The following TTLL11 variants were observed in gnomAD, a reference collection of about 807,000 sequenced individuals.
TTLL11 encodes the protein tubulin polyglutamylase TTLL11.
A neutral mutation model predicts 51.7 loss-of-function variants in TTLL11; 42 were observed. That is an observed-to-expected ratio of 0.81 (90% confidence interval 0.64 to 1.05). The LOEUF (loss-of-function observed/expected upper bound fraction) is 1.05. Ranked by LOEUF, TTLL11 falls within the 50% of genes least tolerant of loss-of-function variation. The probability of loss-of-function intolerance (pLI) is 0.00; values close to 1 mark genes in which losing one functional copy is unlikely to be tolerated. For synonymous variants in TTLL11, 381 were observed against 383.5 expected, an observed-to-expected ratio of 0.99 and a Z score of 0.08; for missense variants, 799 against 940.4, an observed-to-expected ratio of 0.85 and a Z score of 1.97.
chr9:121,930,807 G>A (rs1219338252), intron 6 of TTLL11, among the ~76,000 whole-genome samples: 2 of 152,256 alleles, frequency 1.3e-5, no homozygotes, highest in African/African-American at 4.8e-5. Context: ...GCAGTTGTGA[G>A]GATATGTGTT....
At chr9:121,952,635 C>T (rs1002421780) in intron 6 of TTLL11, among the ~76,000 whole-genome samples, 2 of 152,210 alleles carry the variant, frequency 1.3e-5, no homozygotes, top group African/African-American at 4.8e-5. Flanking sequence ...GCCCCCCACA[C>T]ACTCTGTTCC....
At chr9:121,926,091 T>C (rs1840720317) in intron 6 of TTLL11, among the ~76,000 whole-genome samples, 1 of 152,182 alleles carries the variant, frequency 6.6e-6, no homozygotes, top group Non-Finnish European at 1.5e-5. Flanking sequence ...TTTTTAATCT[T>C]TGCAGGCAGA....
chr9:121,904,281 A>G (rs1839862042), intron 6 of TTLL11, among the ~76,000 whole-genome samples: 1 of 150,950 alleles, frequency 6.6e-6, no homozygotes, highest in Non-Finnish European at 1.5e-5. Flanking sequence ...GGTTCAAGCC[A>G]TTCTCCTGCC....
chr9:122,024,621 C>A (rs1298007821), intron 3 of TTLL11, among the ~76,000 whole-genome samples: 2 of 152,120 alleles, frequency 1.3e-5, no homozygotes, highest in Non-Finnish European at 2.9e-5. Flanking sequence ...CAGAAATATA[C>A]CTACACATAT....
At chr9:121,973,719 T>C (rs997975512) in intron 6 of TTLL11, among the ~76,000 whole-genome samples, 1 of 152,084 alleles carries the variant, frequency 6.6e-6, no homozygotes, top group Non-Finnish European at 1.5e-5. Flanking sequence ...GTTGTGCACA[T>C]GTACCCTAAA....
chr9:122,018,547 C>A (rs1200459837), intron 3 of TTLL11, among the ~76,000 whole-genome samples: 1 of 152,210 alleles, frequency 6.6e-6, no homozygotes, highest in Non-Finnish European at 1.5e-5. Context: ...CACAGACTCA[C>A]TGGATGCTCA....
At chr9:121,843,237 A>G (rs1417774745) in intron 8 of TTLL11, among the ~76,000 whole-genome samples, 1 of 152,164 alleles carries the variant, frequency 6.6e-6, no homozygotes, top group African/African-American at 2.4e-5. Flanking sequence ...AAGCTGAACA[A>G]ATTGAAAAAT....
At chr9:122,032,506 T>C (rs1041431134) in intron 2 of TTLL11, among the ~76,000 whole-genome samples, 1 of 152,208 alleles carries the variant, frequency 6.6e-6, no homozygotes, top group East Asian at 1.9e-4. Flanking sequence ...TCTCATTAAT[T>C]TGCCCAGAGG....
At chr9:121,994,858 T>C (rs1316405861) in intron 3 of TTLL11, among the ~76,000 whole-genome samples, 4 of 152,144 alleles carry the variant, frequency 2.6e-5, no homozygotes, top group African/African-American at 9.7e-5. Flanking sequence ...AAGTCCAAAC[T>C]GAGGCTGCAG....
intron 1 of TTLL11, among the ~76,000 whole-genome samples, chr9:122,057,075 G>A (rs1845307120): frequency 6.6e-6 from 1 of 152,142 alleles, no homozygotes; most frequent in East Asian, 1.9e-4. Context: ...GGGAAGGGAA[G>A]GAGACTCCTT....
chr9:121,899,378 CATAT>C (rs747040027), intron 6 of TTLL11, among the ~76,000 whole-genome samples: 1,318 of 130,406 alleles, frequency 0.01, 24 homozygotes, highest in African/African-American at 0.016. Context: ...TATATATATA[CATAT>C]ATATATATAT....
chr9:122,045,413 C>T (rs1206175924), intron 1 of TTLL11, among the ~76,000 whole-genome samples: 3 of 152,106 alleles, frequency 2.0e-5, no homozygotes, highest in Non-Finnish European at 2.9e-5. Flanking sequence ...ATTAGCCGGG[C>T]GTCGTGGCGC....
chr9:121,895,495 T>G (rs1301463071), intron 6 of TTLL11, among the ~76,000 whole-genome samples: 1 of 151,470 alleles, frequency 6.6e-6, no homozygotes, highest in Non-Finnish European at 1.5e-5. Flanking sequence ...GTGTGTGTGG[T>G]TGTGTGTAGT....
intron 1 of TTLL11, among the ~76,000 whole-genome samples, chr9:122,058,761 A>G (rs1173926753): frequency 6.6e-6 from 1 of 152,226 alleles, no homozygotes; most frequent in African/African-American, 2.4e-5. Flanking sequence ...TGCTTTCACT[A>G]GCTCCTTGAG....
At chr9:121,877,276 G>T (rs939412998) in intron 6 of TTLL11, among the ~76,000 whole-genome samples, 7 of 152,220 alleles carry the variant, frequency 4.6e-5, no homozygotes, top group African/African-American at 1.7e-4. Context: ...CTAATTTAAA[G>T]AACTGGAGGA....
chr9:122,056,968 C>G (rs906419769), intron 1 of TTLL11, among the ~76,000 whole-genome samples: 8 of 152,176 alleles, frequency 5.3e-5, no homozygotes, highest in Non-Finnish European at 7.3e-5. Flanking sequence ...GCAAGAAGGG[C>G]ATGTGTCTGC....
intron 6 of TTLL11, among the ~76,000 whole-genome samples, chr9:121,873,721 C>T (rs1838451684): frequency 6.6e-6 from 1 of 150,884 alleles, no homozygotes; most frequent in African/African-American, 2.4e-5. Flanking sequence ...TGCAGTGGTA[C>T]AACCACAGCT....
chr9:121,842,480 A>C (rs1173959431), intron 8 of TTLL11, among the ~76,000 whole-genome samples: 1 of 151,334 alleles, frequency 6.6e-6, no homozygotes, highest in African/African-American at 2.5e-5. Flanking sequence ...TATGTTTCCC[A>C]GGCTGGTCAC....
At chr9:121,862,857 G>A (rs1256596733) in intron 7 of TTLL11, among the ~76,000 whole-genome samples, 1 of 152,210 alleles carries the variant, frequency 6.6e-6, no homozygotes, top group Non-Finnish European at 1.5e-5. Flanking sequence ...TATCCCTTGT[G>A]TGAATAGCTC....
Sources: gnomAD v4.1 joint callset for allele counts (sites outside exome capture counted in the v4.1 genomes callset) on GRCh38, gnomAD v4.1.1 for gene constraint, MANE v1.5 for transcripts, NCBI Gene and HGNC (gene_info 2026-07-23, HGNC 2026-07-21) for gene names.